The following INPP4A variants were observed in gnomAD, a reference collection of about 807,000 sequenced individuals.
INPP4A encodes inositol polyphosphate-4-phosphatase type I A.
Under a neutral mutation model 119.8 loss-of-function variants are expected in INPP4A, and 33 were observed. The observed-to-expected ratio is 0.28, with a 90% confidence interval of 0.21 to 0.37. The LOEUF (loss-of-function observed/expected upper bound fraction) is 0.37. Among genes scored for constraint, INPP4A ranks in the 10% least tolerant of loss-of-function variants. The pLI, the probability that INPP4A is intolerant of heterozygous loss-of-function variation, is 1.00. For missense variants in INPP4A, 956 were observed against 1,289.9 expected (o/e 0.74, Z 3.97); for synonymous variants, 496 against 500.7 (o/e 0.99, Z 0.12).
intron 10 of INPP4A, among the ~76,000 whole-genome samples, chr2:98,543,547 A>G (rs1575006149): frequency 6.6e-6 from 1 of 152,198 alleles, no homozygotes; most frequent in East Asian, 1.9e-4. Context: ...GCTTGAGGGC[A>G]CCTGCAGGTC....
At chr2:98,550,166 A>G (rs951508066) in intron 13 of INPP4A, among the ~76,000 whole-genome samples, 2 of 152,002 alleles carry the variant, frequency 1.3e-5, no homozygotes, top group Non-Finnish European at 2.9e-5. Flanking sequence ...AGGACCCTCC[A>G]TAGCCCAATC....
intron 2 of INPP4A, 195 bp from the exon 3 acceptor site, chr2:98,519,748 ACAC>A (rs2105725285): frequency 2.5e-6 from 1 of 397,462 alleles, no homozygotes; most frequent in African/African-American, 2.1e-5. Context: ...GATCCCATGG[ACAC>A]CCTGTGTTGG....
intron 5 of INPP4A, 94 bp from the exon 6 acceptor site, chr2:98,535,635 T>C: frequency 1.5e-6 from 1 of 660,468 alleles, no homozygotes; most frequent in East Asian, 2.8e-5. Flanking sequence ...GTGAGAATGT[T>C]AGTTTCTCAT....
chr2:98,445,202 C>G (rs1310138934), intron 1 of INPP4A, 117 bp downstream of exon 1: 3 of 152,138 alleles, frequency 2.0e-5, no homozygotes, highest in South Asian at 2.0e-4. Flanking sequence ...TGGACGGCGC[C>G]CGCGGTTTTC....
At chr2:98,587,404 T>C (rs755377466) in intron 24 of INPP4A, 72 bp from the exon 25 acceptor site, 8 of 1,395,534 alleles carry the variant, frequency 5.7e-6, no homozygotes, top group Non-Finnish European at 7.7e-6. Context: ...ATCAGTTCAT[T>C]TCATCTTAGT....
At chr2:98,445,312 G>A (rs932070974) in intron 1 of INPP4A, among the ~76,000 whole-genome samples, 6 of 152,166 alleles carry the variant, frequency 3.9e-5, no homozygotes, top group African/African-American at 1.4e-4. Flanking sequence ...TGAAGACGCG[G>A]CCGCCCCAGC....
intron 1 of INPP4A, among the ~76,000 whole-genome samples, chr2:98,465,552 GCCATA>G (rs1674562167): frequency 2.0e-5 from 3 of 152,158 alleles, no homozygotes. Flanking sequence ...TATTTGACCT[GCCATA>G]CCTCACAGCA....
At chr2:98,492,135 C>T (rs112990021) in intron 1 of INPP4A, among the ~76,000 whole-genome samples, 1,587 of 152,200 alleles carry the variant, frequency 0.01, 44 homozygotes, top group African/African-American at 0.036. Context: ...ATGATCCGCG[C>T]GCCTCAGCCT....
intron 1 of INPP4A, among the ~76,000 whole-genome samples, chr2:98,478,709 G>A (rs1042155813): frequency 2.0e-5 from 3 of 152,160 alleles, no homozygotes; most frequent in Admixed American, 1.3e-4. Flanking sequence ...GAGGGGGTGA[G>A]GGTAGAAGGG....
In INPP4A at chr2:98,566,778, C is replaced by T. The variant is rs761693060; in HGVS notation, c.2420+609C>T. On this transcript the variant is annotated intron_variant, in intron 21 of 24. Coordinates refer to ENST00000409851, the MANE Select transcript of INPP4A (RefSeq NM_001134225.2). This position sits in a 1 kb window ranked among gnomAD's most constrained non-coding sequence, Gnocchi z 4.2. ...GTGTGCACGTGTGCCTGTGTGCGCA[C>T]ATGTGTGTGAGGAGATAGGGTAGAT... Among the ~76,000 whole-genome samples, 7 of 152,140 alleles carry T rather than the reference C, an allele frequency of 4.6e-5. No individual in the cohort carries two copies. Among genetic ancestry groups the T allele is most frequent in the Admixed American group, 2.0e-4 (3 of 15,270 alleles).
intron 13 of INPP4A, among the ~76,000 whole-genome samples, chr2:98,547,592 C>T (rs549324805): frequency 3.9e-5 from 6 of 151,994 alleles, no homozygotes; most frequent in African/African-American, 1.4e-4. Context: ...GGACTGTGAC[C>T]ACAAAGTAGA....
Position 98,563,610 on chromosome 2 carries a change from C to T in INPP4A, c.2001C>T (p.Tyr667=). 1 of 1,613,188 alleles carries T rather than the reference C, an allele frequency of 6.2e-7. No individual in the cohort carries two copies. The highest frequency in any genetic ancestry group is 2.2e-5 in the East Asian group (1 of 44,880). Residue 667 remains tyrosine, a synonymous_variant, in exon 18 of 25, where the codon TAC becomes TAT. Coordinates refer to ENST00000409851, the MANE Select transcript of INPP4A (RefSeq NM_001134225.2). ...TAGCCACCTACCTGAGCCTGCAGTA[C>T]CGCCGTGACGTGGTCTTCTGCCAGA... ...PTIATYLSLQ[Y]RRDVVFCQTL...
At position 98,544,124 on chromosome 2, in the gene INPP4A, C is replaced by T. The variant is rs562689449; in HGVS notation, c.949+117C>T. Reference sequence around the variant, plus strand: ...CAGCCAGGGATCTGGAACACAGGGTCACTTACACATTCCCACTGACAGACA... The same window carrying T: ...CAGCCAGGGATCTGGAACACAGGGTTACTTACACATTCCCACTGACAGACA... On this transcript the variant is annotated intron_variant, in intron 11 of 24. Coordinates refer to ENST00000409851, the MANE Select transcript of INPP4A (RefSeq NM_001134225.2). 190 of 908,990 alleles carry T rather than the reference C, an allele frequency of 2.1e-4. 1 individual carries two copies. The South Asian group carries it at 3.9e-3, about 19-fold the overall frequency. The allele number at this position is 908,990 out of a possible 1,614,324, so 56.3% of individuals were successfully genotyped here. A position where few individuals can be genotyped will look rare whatever the true frequency, so the allele number is the denominator to read the frequency against.
At chr2:98,498,381 T>C (rs1383564582) in intron 1 of INPP4A, among the ~76,000 whole-genome samples, 1 of 152,108 alleles carries the variant, frequency 6.6e-6, no homozygotes, top group Non-Finnish European at 1.5e-5. Flanking sequence ...GCCTTTTGCC[T>C]TCTGCTATGA....
chr2:98,559,399 A>G, intron 16 of INPP4A, 64 bp from the exon 17 acceptor site: 1 of 1,581,486 alleles, frequency 6.3e-7, no homozygotes, highest in Non-Finnish European at 8.7e-7. Context: ...TCTGAGATTG[A>G]GTTGCTTGGT....
intron 1 of INPP4A, among the ~76,000 whole-genome samples, chr2:98,499,856 G>A (rs1034741758): frequency 1.1e-4 from 17 of 152,116 alleles, no homozygotes; most frequent in African/African-American, 4.1e-4. Context: ...CTAGATTGAC[G>A]GCCTTCAGTG....
chr2:98,499,689 T>A (rs1307767982), intron 1 of INPP4A, among the ~76,000 whole-genome samples: 2 of 152,252 alleles, frequency 1.3e-5, no homozygotes, highest in Non-Finnish European at 2.9e-5. Context: ...TAAATTTTTT[T>A]AGAGCAGTTT....
At chr2:98,495,880 TC>T (rs1377043750) in intron 1 of INPP4A, among the ~76,000 whole-genome samples, 3 of 152,224 alleles carry the variant, frequency 2.0e-5, no homozygotes, top group Non-Finnish European at 4.4e-5. Flanking sequence ...AAGGGGATTC[TC>T]TACAGAATGT....
intron 24 of INPP4A, among the ~76,000 whole-genome samples, chr2:98,582,601 A>G (rs536879159): frequency 4.3e-4 from 65 of 152,106 alleles, no homozygotes; most frequent in Non-Finnish European, 8.5e-4. Flanking sequence ...TGCATACGCC[A>G]AAGAAAGATC....
Sources: allele counts gnomAD v4.1 joint callset (sites outside exome capture counted in the v4.1 genomes callset), GRCh38; gene constraint gnomAD v4.1.1; non-coding constraint Gnocchi (gnomAD v3.1); transcripts MANE v1.5; gene names NCBI Gene and HGNC (gene_info 2026-07-23, HGNC 2026-07-21).